TERB1: variants seen among roughly 807,000 people sequenced by gnomAD.
TERB1 encodes the protein telomere repeats-binding bouquet formation protein 1.
TERB1 carries 63 observed loss-of-function variants against 92.3 expected under a neutral mutation model. The ratio of observed to expected loss-of-function variants is 0.68; its 90% CI spans 0.56 to 0.84. The LOEUF is 0.84. TERB1 is among the 40% of genes least tolerant of loss of function. The probability of loss-of-function intolerance (pLI) is 0.00; values close to 1 mark genes in which losing one functional copy is unlikely to be tolerated. For synonymous variants in TERB1, 252 were observed against 283.9 expected (o/e 0.89, Z 1.13); for missense variants, 709 against 843.7 (o/e 0.84, Z 1.98).
intron 18 of TERB1, among the ~76,000 whole-genome samples, chr16:66,755,503 G>A (rs1362731728): frequency 6.6e-6 from 1 of 152,156 alleles, no homozygotes; most frequent in African/African-American, 2.4e-5. Flanking sequence ...GGCCAGGCAC[G>A]GTGACTTATG....
chr16:66,756,242 A>C (rs1416738169), intron 18 of TERB1, among the ~76,000 whole-genome samples: 4 of 152,228 alleles, frequency 2.6e-5, no homozygotes, highest in Non-Finnish European at 5.9e-5. Flanking sequence ...TCACCCTTAG[A>C]AAACCTTGCC....
chr16:66,771,684 T>G (rs2145129814), intron 13 of TERB1, among the ~76,000 whole-genome samples: 1 of 150,548 alleles, frequency 6.6e-6, no homozygotes, highest in African/African-American at 2.5e-5. Context: ...CACACACGGG[T>G]ACATGTGTAG....
At chr16:66,762,508 C>G (rs1173655589) in intron 16 of TERB1, among the ~76,000 whole-genome samples, 1 of 151,812 alleles carries the variant, frequency 6.6e-6, no homozygotes, top group East Asian at 1.9e-4. Flanking sequence ...CCTCAGTCTC[C>G]TAAGTAGCTA....
chr16:66,797,068 T>C (rs1479030679), intron 2 of TERB1, among the ~76,000 whole-genome samples: 4 of 152,202 alleles, frequency 2.6e-5, no homozygotes, highest in African/African-American at 7.2e-5. Flanking sequence ...ATCTGTAAAA[T>C]AGAAATGATA....
chr16:66,776,738 A>G (rs1478641783), intron 11 of TERB1, among the ~76,000 whole-genome samples: 1 of 152,106 alleles, frequency 6.6e-6, no homozygotes, highest in Non-Finnish European at 1.5e-5. Context: ...AAGGGGGAGA[A>G]GAAAGAGAAA....
intron 10 of TERB1, among the ~76,000 whole-genome samples, 199 bp downstream of exon 10, chr16:66,778,664 C>T (rs1285244412): frequency 2.6e-5 from 4 of 152,118 alleles, no homozygotes; most frequent in Non-Finnish European, 5.9e-5. Flanking sequence ...GTGATCTGCC[C>T]GCCTTGGCCT....
rs781504247 is a variant in TERB1 at position 66,790,990 on chromosome 16, C to T, written c.61G>A (p.Glu21Lys). Residue 21 changes from glutamate to lysine, a missense_variant, in exon 4 of 19, where the codon GAG becomes AAG. Transcript: ENST00000433154. The stretch of plus-strand genomic sequence containing the variant: ...TTGTCCATTTGATACTTTAGACACT[C>T]CAATAATAAGTTCAGGTCAGTCTTC... ...EMKTDLNLLLECLKYQMDNAF... is the reference protein window; with the variant it reads ...EMKTDLNLLLKCLKYQMDNAF... 2.6e-6 allele frequency: 4 copies of T among 1,544,698 alleles called. No homozygotes were observed. The African/African-American group carries it at 5.5e-5, about 21-fold the overall frequency.
chr16:66,775,385 G>A (rs2018529053), intron 11 of TERB1, 142 bp from the exon 12 acceptor site: 2 of 681,586 alleles, frequency 2.9e-6, no homozygotes, highest in African/African-American at 1.8e-5. Context: ...TGTAATCCCA[G>A]CACTTTGGGA....
At chr16:66,773,340 A>G (rs1272125623) in intron 12 of TERB1, among the ~76,000 whole-genome samples, 4 of 152,092 alleles carry the variant, frequency 2.6e-5, no homozygotes, top group Non-Finnish European at 5.9e-5. Context: ...TCTCAAAAAT[A>G]AAGTAGTTTT....
chr16:66,761,801 T>A (rs1226820926), intron 16 of TERB1, among the ~76,000 whole-genome samples: 7 of 151,868 alleles, frequency 4.6e-5, no homozygotes, highest in Admixed American at 4.6e-4. Context: ...ACGCCTGTAA[T>A]CCCAGCACTT....
chr16:66,778,418 C>T (rs906583412), intron 10 of TERB1, among the ~76,000 whole-genome samples: 1 of 151,450 alleles, frequency 6.6e-6, no homozygotes, highest in Non-Finnish European at 1.5e-5. Context: ...TAATTTAATG[C>T]TGCCTTTTTT....
intron 3 of TERB1, among the ~76,000 whole-genome samples, chr16:66,793,280 C>T (rs1470062854): frequency 1.5e-5 from 2 of 133,330 alleles, no homozygotes; most frequent in Admixed American, 1.7e-4. Flanking sequence ...CGCAGTGGTG[C>T]TATCTCACTC....
At chr16:66,798,601 C>T (rs1439328309) in intron 2 of TERB1, among the ~76,000 whole-genome samples, 2 of 152,092 alleles carry the variant, frequency 1.3e-5, no homozygotes, top group African/African-American at 2.4e-5. Context: ...AAGAAAAATG[C>T]TATGTTACAA....
intron 11 of TERB1, among the ~76,000 whole-genome samples, chr16:66,775,583 G>A (rs557413361): frequency 1.3e-5 from 2 of 152,148 alleles, no homozygotes; most frequent in East Asian, 1.9e-4. Context: ...GCAGTGAGCC[G>A]AGGTCGCACC....
chr16:66,795,096 C>G (rs4783737), intron 3 of TERB1, among the ~76,000 whole-genome samples: 76,698 of 151,648 alleles, frequency 0.51, 20,222 homozygotes, highest in African/African-American at 0.64. Context: ...GTTCAGAACA[C>G]ATAAAGAATT....
intron 18 of TERB1, among the ~76,000 whole-genome samples, chr16:66,756,565 A>C (rs2018142566): frequency 6.6e-6 from 1 of 152,218 alleles, no homozygotes; most frequent in South Asian, 2.1e-4. Context: ...TTTTGGGTGT[A>C]CTGGAAAACT....
chr16:66,784,523 A>C (rs970494937), intron 9 of TERB1, among the ~76,000 whole-genome samples: 2 of 151,670 alleles, frequency 1.3e-5, no homozygotes, highest in Non-Finnish European at 2.9e-5. Context: ...TAGTAGAGAC[A>C]AGGTTTCGTC....
At chr16:66,760,130 C>CAAAAAAAAAAAAAAAAAAAA (rs148772308) in intron 16 of TERB1, among the ~76,000 whole-genome samples, 1 of 23,376 alleles carries the variant, frequency 4.3e-5, no homozygotes, top group East Asian at 1.0e-3. Context: ...GACTCCATCT[C>CAAAAAAAAAAAAAAAAAAAA]AAAAAAAAAA....
chr16:66,757,170 G>A (rs146103018), intron 18 of TERB1, among the ~76,000 whole-genome samples: 1 of 152,098 alleles, frequency 6.6e-6, no homozygotes, highest in African/African-American at 2.4e-5. Context: ...CTTTCTCAAG[G>A]TTCCTTTCTA....
Sources: gnomAD v4.1 joint callset for allele counts (sites outside exome capture counted in the v4.1 genomes callset) on GRCh38, gnomAD v4.1.1 for gene constraint, MANE v1.5 for transcripts, NCBI Gene and HGNC (gene_info 2026-07-23, HGNC 2026-07-21) for gene names.